The following TARP variants were observed in gnomAD, a reference collection of about 807,000 sequenced individuals.
chr7:38,268,208 TAATA>T, the TARP span, among the ~76,000 whole-genome samples: 2 of 151,376 alleles, frequency 1.3e-5, no homozygotes, highest in East Asian at 1.9e-4. Flanking sequence ...TTATTTAAAA[TAATA>T]AATAAAATTT....
chr7:38,263,795 C>G, the TARP span, among the ~76,000 whole-genome samples: 1 of 151,798 alleles, frequency 6.6e-6, no homozygotes, highest in Admixed American at 6.6e-5. Context: ...ATTTTATGCA[C>G]TCACTGAGAT....
chr7:38,263,639 A>C, the TARP span, among the ~76,000 whole-genome samples: 1 of 151,136 alleles, frequency 6.6e-6, no homozygotes, highest in Non-Finnish European at 1.5e-5. Context: ...TTTATCTGTG[A>C]TGTTAAAAAA....
chr7:38,265,034 G>A, the TARP span, among the ~76,000 whole-genome samples: 5 of 150,930 alleles, frequency 3.3e-5, no homozygotes, highest in African/African-American at 2.5e-5. Flanking sequence ...CGTTTACCAC[G>A]TGTCACGTTG....
chr7:38,264,455 G>A, the TARP span, among the ~76,000 whole-genome samples: 9 of 151,414 alleles, frequency 5.9e-5, no homozygotes, highest in Non-Finnish European at 1.0e-4. Flanking sequence ...GCCAGGTGTG[G>A]TGGCAGGCGC....
At chr7:38,265,588 A>C in the TARP span, 2 of 1,612,170 alleles carry the variant, frequency 1.2e-6, no homozygotes, top group South Asian at 2.2e-5. Flanking sequence ...AAGAAGACAA[A>C]GGTATGTTCC....
chr7:38,269,217 G>T, the TARP span, among the ~76,000 whole-genome samples: 1 of 151,592 alleles, frequency 6.6e-6, no homozygotes, highest in African/African-American at 2.4e-5. Flanking sequence ...TGGTCTCAGG[G>T]CCAGACATTT....
chr7:38,261,951 A>T, the TARP span, among the ~76,000 whole-genome samples: 1 of 150,982 alleles, frequency 6.6e-6, no homozygotes, highest in Non-Finnish European at 1.5e-5. Context: ...TTAAAAGCAT[A>T]TCACTATACC....
the TARP span, among the ~76,000 whole-genome samples, chr7:38,271,467 G>T: frequency 2.7e-5 from 4 of 150,848 alleles, no homozygotes; most frequent in African/African-American, 9.8e-5. Context: ...ACTCTGCTTT[G>T]ATCCAGAAGG....
chr7:38,260,768 G>A, the TARP span, among the ~76,000 whole-genome samples: 1 of 151,664 alleles, frequency 6.6e-6, no homozygotes, highest in Non-Finnish European at 1.5e-5. Flanking sequence ...AGAAACATCA[G>A]TCCTTGGTGT....
At chr7:38,265,473 G>T in the TARP span, 22 of 1,611,692 alleles carry the variant, frequency 1.4e-5, no homozygotes, top group African/African-American at 2.4e-4. Context: ...TAAATTTCAT[G>T]TATGTGTCGT....
At chr7:38,269,533 A>G in the TARP span, 1 of 702,622 alleles carries the variant, frequency 1.4e-6, no homozygotes. Flanking sequence ...AGTTTCTTAT[A>G]ATAATTCCAC....
the TARP span, among the ~76,000 whole-genome samples, chr7:38,269,994 C>T: frequency 1.8e-4 from 27 of 151,756 alleles, 1 homozygote; most frequent in South Asian, 1.9e-3. Context: ...CCCAGCTACT[C>T]GAGAAGCTGA....
the TARP span, chr7:38,273,537 T>TGCCA: frequency 7.0e-7 from 1 of 1,423,382 alleles, no homozygotes; most frequent in Non-Finnish European, 9.8e-7. Flanking sequence ...AGCTCCTGCC[T>TGCCA]GCCAGCCTCC....
At chr7:38,267,757 A>G in the TARP span, among the ~76,000 whole-genome samples, 1 of 151,044 alleles carries the variant, frequency 6.6e-6, no homozygotes, top group Non-Finnish European at 1.5e-5. Flanking sequence ...TAATTTTTCA[A>G]TTGTACATTA....
At chr7:38,260,721 C>T in the TARP span, among the ~76,000 whole-genome samples, 4 of 151,814 alleles carry the variant, frequency 2.6e-5, no homozygotes, top group African/African-American at 7.3e-5. Flanking sequence ...GAGAAAATTT[C>T]CATTTATATG....
At chr7:38,268,394 T>A in the TARP span, among the ~76,000 whole-genome samples, 1 of 151,690 alleles carries the variant, frequency 6.6e-6, no homozygotes, top group Non-Finnish European at 1.5e-5. Flanking sequence ...TATGGATATT[T>A]ATTTAAGTGT....
chr7:38,259,842 G>A, the TARP span: 2 of 460,876 alleles, frequency 4.3e-6, no homozygotes, highest in Admixed American at 6.8e-5. Flanking sequence ...GTTGGCTGGA[G>A]GAGCTGTGGA....
At chr7:38,263,579 G>A in the TARP span, among the ~76,000 whole-genome samples, 11,979 of 150,776 alleles carry the variant, frequency 0.079, 271 homozygotes, top group Middle Eastern at 0.14. Flanking sequence ...AAAGACAGAG[G>A]CCAAGTCACA....
chr7:38,262,827 G>A, the TARP span, among the ~76,000 whole-genome samples: 1 of 151,008 alleles, frequency 6.6e-6, no homozygotes, highest in Non-Finnish European at 1.5e-5. Flanking sequence ...CCGAGCTAAT[G>A]TTTGTATTTT....
Sources: gnomAD v4.1 joint callset for allele counts (sites outside exome capture counted in the v4.1 genomes callset) on GRCh38, gnomAD v4.1.1 for gene constraint, MANE v1.5 for transcripts.